The following ZNF160 variants were observed in gnomAD, a reference collection of about 807,000 sequenced individuals.
ZNF160 encodes the protein KRAB zinc finger protein KR18.
A neutral mutation model predicts 13.1 loss-of-function variants in ZNF160; 9 were observed. The ratio of observed to expected loss-of-function variants is 0.69; its 90% confidence interval spans 0.41 to 1.20. ZNF160 has a LOEUF of 1.20. Among genes scored for constraint, ZNF160 ranks in the 50% most tolerant of loss-of-function variants. The probability of loss-of-function intolerance (pLI) is 0.01; values close to 1 mark genes in which losing one functional copy is unlikely to be tolerated. For synonymous variants in ZNF160, 293 were observed against 333.2 expected, an observed-to-expected ratio of 0.88 and a Z score of 1.31; for missense variants, 838 against 988.0, an observed-to-expected ratio of 0.85 and a Z score of 2.04.
At chr19:53,097,348 C>G (rs1262375436) in intron 1 of ZNF160, among the ~76,000 whole-genome samples, 1 of 149,402 alleles carries the variant, frequency 6.7e-6, no homozygotes, top group Non-Finnish European at 1.5e-5. Context: ...CCACAACAAA[C>G]CCTCCCTAAT....
At chr19:53,076,658 G>C (rs938744954) in intron 3 of ZNF160, among the ~76,000 whole-genome samples, 9 of 151,482 alleles carry the variant, frequency 5.9e-5, no homozygotes, top group African/African-American at 2.2e-4. Flanking sequence ...AAACTGTACT[G>C]AAGTGATGCT....
chr19:53,092,214 AG>A (rs2085061074), intron 1 of ZNF160, among the ~76,000 whole-genome samples: 1 of 152,236 alleles, frequency 6.6e-6, no homozygotes, highest in Non-Finnish European at 1.5e-5. Context: ...AATCTGTTGT[AG>A]AAAAAAAGCC....
intron 5 of ZNF160, 149 bp downstream of exon 5, chr19:53,073,991 T>A (rs528073871): frequency 1.4e-6 from 1 of 715,324 alleles, no homozygotes; most frequent in East Asian, 2.6e-5. Flanking sequence ...GGTTTCACAA[T>A]GTTGGTCAGG....
Position 53,069,076 on chromosome 19 carries a change from G to A in ZNF160, c.1458C>T (p.Cys486=). Residue 486 remains cysteine (C), a synonymous_variant, in exon 6 of 6, where the codon TGC becomes TGT. Transcript: ENST00000683776. The surrounding 1 kb of genome is among the most constrained non-coding windows in gnomAD (Gnocchi z 4.4). ...GTGAATTTTGAGTGAAAACCTTGCT[G>A]CATTCATTGCATTTGAAAGGTTTTG... ...TGTKPFKCNE[C]SKVFTQNSQL... 1 of 1,613,952 alleles carries A rather than the reference G, an allele frequency of 6.2e-7. No individual in the cohort carries two copies. The highest frequency in any genetic ancestry group is 1.1e-5 in the South Asian group (1 of 91,068).
At chr19:53,073,380 GT>G in intron 5 of ZNF160, 2 of 1,598,416 alleles carry the variant, frequency 1.3e-6, no homozygotes, top group Non-Finnish European at 1.7e-6. Context: ...CCCCATGAAA[GT>G]GGCAAAAGCA....
Position 53,075,041 on chromosome 19 carries a change from A to G in ZNF160, c.142+16T>C, listed in dbSNP as rs2145576558. The G allele has an allele frequency of 5.0e-6, 8 of 1,614,046 alleles. No homozygotes were observed. The highest frequency in any genetic ancestry group is 6.8e-6 in the Non-Finnish European group (8 of 1,179,938). On this transcript the variant is annotated intron_variant, in intron 4 of 5. Transcript: ENST00000683776. ...ACAAGAACAGATCTTGACTTCTGGAAGAAAGTCATCCTCACCCAGAGAAAC... is the reference window on the plus strand; with the variant it reads ...ACAAGAACAGATCTTGACTTCTGGAGGAAAGTCATCCTCACCCAGAGAAAC...
At chr19:53,079,660 C>A (rs868205164) in intron 3 of ZNF160, among the ~76,000 whole-genome samples, 78 of 124,394 alleles carry the variant, frequency 6.3e-4, no homozygotes, top group Admixed American at 7.5e-4. Context: ...ACAATAGCAG[C>A]AAAAAAAAAA....
chr19:53,085,218 C>G (rs1330118844), intron 3 of ZNF160: 1 of 985,298 alleles, frequency 1.0e-6, no homozygotes, highest in East Asian at 1.1e-4. Context: ...GCTCCTGTTT[C>G]CTAACACGAA....
At chr19:53,075,029 T>C in intron 4 of ZNF160, 28 bp downstream of exon 4, 6 of 1,613,788 alleles carry the variant, frequency 3.7e-6, no homozygotes, top group Non-Finnish European at 5.1e-6. Context: ...AGAACAGATC[T>C]TGACTTCTGG....
chr19:53,083,021 C>A (rs552389651), intron 3 of ZNF160, among the ~76,000 whole-genome samples: 2 of 152,268 alleles, frequency 1.3e-5, no homozygotes, highest in East Asian at 3.9e-4. Context: ...ACAATGAATA[C>A]ATATGAAGAG....
chr19:53,092,432 TC>T (rs951313263), intron 1 of ZNF160, among the ~76,000 whole-genome samples: 3 of 152,146 alleles, frequency 2.0e-5, no homozygotes, highest in African/African-American at 7.2e-5. Context: ...TGTCTCAGCC[TC>T]CCAAGTAACC....
chr19:53,089,301 G>A (rs2084952380), intron 2 of ZNF160, among the ~76,000 whole-genome samples: 1 of 152,190 alleles, frequency 6.6e-6, no homozygotes, highest in Admixed American at 6.5e-5. Flanking sequence ...AGTGTCGGAT[G>A]GAAAATGCAT....
In ZNF160 at chr19:53,069,645, G is replaced by A. The variant is rs1346542811; in HGVS notation, c.889C>T (p.Arg297Cys). Reference sequence around the variant, plus strand: ...ACCTGATGAATAGTTAGATTTGAACGAACAGTAAAGGTTTTGCCGCACTCA... The same window carrying A: ...ACCTGATGAATAGTTAGATTTGAACAAACAGTAAAGGTTTTGCCGCACTCA... ...CSECGKTFTV[R>C]SNLTIHQVIH... Residue 297 changes from arginine (R) to cysteine (C), a missense_variant, in exon 6 of 6, where the codon CGT (arginine) becomes TGT (cysteine). Transcript: ENST00000683776. The surrounding 1 kb of genome is among the most constrained non-coding windows in gnomAD (Gnocchi z 4.4). 9 of 1,613,670 alleles carry A rather than the reference G, an allele frequency of 5.6e-6. No homozygotes were observed. Among genetic ancestry groups the A allele is most frequent in the Admixed American group, 5.0e-5 (3 of 59,978 alleles).
chr19:53,069,225 T>G lies in ZNF160; in HGVS notation c.1309A>C (p.Asn437His), dbSNP rs1238681033. 1 of 1,611,300 alleles carries G rather than the reference T, an allele frequency of 6.2e-7. No homozygotes were observed. Among genetic ancestry groups the G allele is most frequent in the East Asian group, 2.2e-5 (1 of 44,838 alleles). The change falls in exon 6 of 6, where the codon AAT becomes CAT. Residue 437 changes from asparagine (N) to histidine (H), a missense_variant. Around this residue, in one of 3 missense-constraint regions of ZNF160, gnomAD observed 400 missense variants for 538.9 expected, o/e 0.74. Transcript: ENST00000683776. The surrounding 1 kb of genome is among the most constrained non-coding windows in gnomAD (Gnocchi z 4.4). ...CTCCGATGCCTTCCGAGGTATGAATTGTACCTAAAGACTTTGCCACATTCA... is the reference window on the plus strand; with the variant it reads ...CTCCGATGCCTTCCGAGGTATGAATGGTACCTAAAGACTTTGCCACATTCA... ...CNECGKVFRY[N>H]SYLGRHRRVH...
chr19:53,092,725 AC>A (rs2085082043), intron 1 of ZNF160, among the ~76,000 whole-genome samples: 1 of 152,222 alleles, frequency 6.6e-6, no homozygotes, highest in Non-Finnish European at 1.5e-5. Context: ...ATTTACCTCT[AC>A]TTTGAAGTAT....
intron 4 of ZNF160, 113 bp downstream of exon 4, chr19:53,074,944 C>T: frequency 7.0e-7 from 1 of 1,421,650 alleles, no homozygotes; most frequent in Non-Finnish European, 9.9e-7. Flanking sequence ...ATTTCAGAGT[C>T]AACAGGACTT....
chr19:53,068,933 T>TA lies in ZNF160; in HGVS notation c.1600_1601insT (p.Glu534ValfsTer8). ...ACATTCAATACATTTGTAAGGTTTCTCTCCAGAATGGATTGCCTGATGGGT... is the reference window on the plus strand; with the variant it reads ...ACATTCAATACATTTGTAAGGTTTCTACTCCAGAATGGATTGCCTGATGGGT... On this transcript the variant is annotated frameshift_variant, in exon 6 of 6. Transcript: ENST00000683776. LOFTEE classifies it low-confidence loss of function (END_TRUNC). 2.5e-6 allele frequency: 4 copies of TA among 1,613,974 alleles called. No homozygotes were observed. The highest frequency in any genetic ancestry group is 3.4e-6 in the Non-Finnish European group (4 of 1,179,986).
At chr19:53,094,174 T>A (rs2085134983) in intron 1 of ZNF160, among the ~76,000 whole-genome samples, 1 of 152,190 alleles carries the variant, frequency 6.6e-6, no homozygotes, top group Admixed American at 6.5e-5. Flanking sequence ...TCCTCTATTT[T>A]AAAAAGTATT....
intron 5 of ZNF160, chr19:53,073,433 G>C: frequency 6.3e-7 from 1 of 1,598,408 alleles, no homozygotes; most frequent in Non-Finnish European, 8.5e-7. Flanking sequence ...GGCGGAGACG[G>C]CTGGAGACTC....
Sources: gnomAD v4.1 joint callset for allele counts (sites outside exome capture counted in the v4.1 genomes callset) on GRCh38, gnomAD v4.1.1 for gene constraint, gnomAD v4.1.1 regional missense constraint, Gnocchi (gnomAD v3.1) non-coding constraint, MANE v1.5 for transcripts, NCBI Gene and HGNC (gene_info 2026-07-23, HGNC 2026-07-21) for gene names.